Variants in PRDM16 observed in about 807,000 individuals in gnomAD.
The protein encoded by PRDM16 is PR/SET domain 16, also known as histone-lysine N-methyltransferase PRDM16.
PRDM16 carries 23 observed loss-of-function variants against 110.6 expected under a neutral mutation model. The ratio of observed to expected loss-of-function variants is 0.21; its 90% CI spans 0.15 to 0.29. The LOEUF (loss-of-function observed/expected upper bound fraction) is 0.29. Among genes scored for constraint, PRDM16 ranks in the 10% least tolerant of loss-of-function variants. The pLI is 1.00. For missense variants in PRDM16, 1,615 were observed against 1,794.3 expected (o/e 0.90, Z 1.81); for synonymous variants, 799 against 781.8 (o/e 1.02, Z -0.37).
chr1:3,333,465 C>T (rs912653199), intron 3 of PRDM16, among the ~76,000 whole-genome samples: 1 of 152,152 alleles, frequency 6.6e-6, no homozygotes, highest in African/African-American at 2.4e-5. Context: ...CAAAACGTGC[C>T]CTAGCTTTCC....
chr1:3,381,551 C>A (rs1029334454), intron 3 of PRDM16, among the ~76,000 whole-genome samples: 5 of 152,070 alleles, frequency 3.3e-5, no homozygotes, highest in African/African-American at 1.2e-4. Context: ...CCACCACACC[C>A]AGCTAACTTT....
intron 1 of PRDM16, among the ~76,000 whole-genome samples, chr1:3,181,820 GCGGTCTTACACATT>G (rs1644208802): frequency 5.3e-5 from 2 of 37,666 alleles, no homozygotes; most frequent in South Asian, 8.7e-4. Flanking sequence ...TCTTACACAT[GCGGTCTTACACATT>G]CAGTCTTACA....
chr1:3,273,164 G>A (rs911843141), intron 3 of PRDM16, among the ~76,000 whole-genome samples: 3 of 152,162 alleles, frequency 2.0e-5, no homozygotes, highest in African/African-American at 7.2e-5. Flanking sequence ...GGGATGAGGT[G>A]GGCTCCATGG....
chr1:3,409,209 G>A (rs927176905), intron 8 of PRDM16, among the ~76,000 whole-genome samples: 19 of 151,804 alleles, frequency 1.3e-4, no homozygotes, highest in Admixed American at 6.6e-4. Context: ...GTGTGGGCGC[G>A]TGAGTTGGTG....
intron 4 of PRDM16, among the ~76,000 whole-genome samples, chr1:3,386,324 T>C (rs13376540): frequency 0.051 from 7,815 of 152,302 alleles, 661 homozygotes; most frequent in African/African-American, 0.18. Context: ...GTGCAAGCCA[T>C]TGAAAGTGAT....
At chr1:3,318,525 CAATT>C (rs1396258521) in intron 3 of PRDM16, among the ~76,000 whole-genome samples, 78 of 152,216 alleles carry the variant, frequency 5.1e-4, no homozygotes, top group African/African-American at 1.8e-3. Flanking sequence ...GATTATCTAT[CAATT>C]GATTATCCAT....
Position 3,402,952 on chromosome 1 carries a change from G to A in PRDM16, c.838G>A (p.Ala280Thr), listed in dbSNP as rs770128044. ...PEGLGGGSGQ[A>T]HECKDCERMF... ...GGGCCTTGGCGGTGGCAGCGGCCAAGCCCACGAGTGCAAGGACTGCGAGCG... is the reference window on the plus strand; with the variant it reads ...GGGCCTTGGCGGTGGCAGCGGCCAAACCCACGAGTGCAAGGACTGCGAGCG... The change falls in exon 6 of 17, where the codon GCC becomes ACC. Residue 280 changes from alanine to threonine, a missense_variant. Ala to Thr is a moderately conservative substitution (Grantham distance 58, BLOSUM62 0). Coordinates refer to ENST00000270722, the MANE Select transcript of PRDM16 (RefSeq NM_022114.4). The A allele has an allele frequency of 8.1e-6, 13 of 1,612,482 alleles. No individual in the cohort carries two copies. The highest frequency in any genetic ancestry group is 1.1e-5 in the Non-Finnish European group (13 of 1,179,914).
intron 2 of PRDM16, among the ~76,000 whole-genome samples, chr1:3,231,175 T>A (rs1450234438): frequency 6.6e-6 from 1 of 152,202 alleles, no homozygotes; most frequent in Non-Finnish European, 1.5e-5. Flanking sequence ...TTTTTGTTTA[T>A]TTTTACAACC....
At chr1:3,397,066 A>G (rs1643397212) in intron 5 of PRDM16, among the ~76,000 whole-genome samples, 1 of 152,196 alleles carries the variant, frequency 6.6e-6, no homozygotes, top group Non-Finnish European at 1.5e-5. Flanking sequence ...GCTGCCCCAG[A>G]GCTCTCTGTG....
At chr1:3,130,240 G>A (rs1040100846) in intron 1 of PRDM16, among the ~76,000 whole-genome samples, 103 of 152,188 alleles carry the variant, frequency 6.8e-4, no homozygotes, top group Admixed American at 1.1e-3. Flanking sequence ...CTGCCAGAGG[G>A]GTTCCTAGGA....
chr1:3,124,087 G>T (rs899003417), intron 1 of PRDM16, among the ~76,000 whole-genome samples: 14 of 152,174 alleles, frequency 9.2e-5, no homozygotes, highest in Non-Finnish European at 7.4e-5. Context: ...CCACCCGTGA[G>T]AACCCCCAAG....
intron 3 of PRDM16, among the ~76,000 whole-genome samples, chr1:3,364,483 C>T (rs888342690): frequency 3.3e-5 from 5 of 152,214 alleles, no homozygotes; most frequent in Non-Finnish European, 5.9e-5. Flanking sequence ...GACAAGCCCC[C>T]GGAGGATGGC....
intron 3 of PRDM16, among the ~76,000 whole-genome samples, chr1:3,360,705 G>A (rs1160612644): frequency 6.6e-6 from 1 of 152,244 alleles, no homozygotes; most frequent in African/African-American, 2.4e-5. Flanking sequence ...AGACCTGGGT[G>A]GGACAAGCAC....
intron 3 of PRDM16, among the ~76,000 whole-genome samples, chr1:3,289,709 G>T (rs1640929972): frequency 6.6e-6 from 1 of 152,170 alleles, no homozygotes; most frequent in African/African-American, 2.4e-5. Context: ...AAAGGCCCTG[G>T]GGCAGGACAG....
chr1:3,118,900 C>G (rs1442394835), intron 1 of PRDM16, among the ~76,000 whole-genome samples: 1 of 152,244 alleles, frequency 6.6e-6, no homozygotes, highest in African/African-American at 2.4e-5. Context: ...AGACTCCCAT[C>G]AAAGAAAGGC....
chr1:3,361,857 G>T (rs574008577), intron 3 of PRDM16, among the ~76,000 whole-genome samples: 1 of 152,036 alleles, frequency 6.6e-6, no homozygotes, highest in East Asian at 1.9e-4. Context: ...GTGGTGAGAA[G>T]TGACTGTGGC....
intron 8 of PRDM16, among the ~76,000 whole-genome samples, chr1:3,407,741 T>C (rs1014085464): frequency 2.0e-5 from 3 of 152,228 alleles, no homozygotes; most frequent in African/African-American, 7.2e-5. Context: ...TGCAGCACCC[T>C]GGGCAGCTGG....
intron 10 of PRDM16, among the ~76,000 whole-genome samples, chr1:3,416,175 A>G (rs1270143068): frequency 1.3e-5 from 2 of 152,198 alleles, no homozygotes; most frequent in Non-Finnish European, 2.9e-5. Context: ...TATCGTAACC[A>G]GTTCCCCAAA....
At chr1:3,106,392 G>T (rs1288201930) in intron 1 of PRDM16, among the ~76,000 whole-genome samples, 1 of 152,226 alleles carries the variant, frequency 6.6e-6, no homozygotes, top group Non-Finnish European at 1.5e-5. Context: ...GGAGGACTGG[G>T]TGGTGGCCCC....
Sources: gnomAD v4.1 joint callset for allele counts (sites outside exome capture counted in the v4.1 genomes callset) on GRCh38, gnomAD v4.1.1 for gene constraint, MANE v1.5 for transcripts, NCBI Gene and HGNC (gene_info 2026-07-23, HGNC 2026-07-21) for gene names.